The following SLC1A1 variants were observed in gnomAD, a reference collection of about 807,000 sequenced individuals.
SLC1A1 encodes solute carrier family 1 member 1.
Under a neutral mutation model 53.3 loss-of-function variants are expected in SLC1A1, and 43 were observed. The ratio of observed to expected loss-of-function variants is 0.81; its 90% CI spans 0.63 to 1.04. The LOEUF is 1.04. Ranked by LOEUF, SLC1A1 falls within the 50% of genes least tolerant of loss-of-function variation. SLC1A1 has a pLI of 0.00. For synonymous variants in SLC1A1, 307 were observed against 243.2 expected, an observed-to-expected ratio of 1.26 and a Z score of -2.44; for missense variants, 748 against 664.9, an observed-to-expected ratio of 1.12 and a Z score of -1.37.
Position 4,556,256 on chromosome 9 carries a change from G to A in SLC1A1, c.233-5193G>A, listed in dbSNP as rs536210087. On this transcript the variant is annotated intron_variant, in intron 2 of 11. Transcript: ENST00000262352. The surrounding 1 kb of genome is among the most constrained non-coding windows in gnomAD (Gnocchi z 4.1). The stretch of plus-strand genomic sequence containing the variant: ...GCTGGTCTCAAACTCCTGACCTCAG[G>A]TGATCCACCTGCCTGGGCCTCCCAA... Among the ~76,000 whole-genome samples, 4 of 152,152 alleles carry A rather than the reference G, an allele frequency of 2.6e-5. No homozygotes were observed. Among genetic ancestry groups the A allele is most frequent in the Non-Finnish European group, 5.9e-5 (4 of 68,034 alleles).
At position 4,576,135 on chromosome 9, in the gene SLC1A1, A is replaced by C; in HGVS notation, c.998+12A>C. 1 of 1,613,454 alleles carries C rather than the reference A, an allele frequency of 6.2e-7. No individual in the cohort carries two copies. The highest frequency in any genetic ancestry group is 8.5e-7 in the Non-Finnish European group (1 of 1,179,348). ...ATGATCTCTTCCAGGTAAACAGAAG[A>C]GGGGTTTCTGGAAGAAGCCTCCAGG... On this transcript the variant is annotated intron_variant, in intron 9 of 11. Coordinates refer to ENST00000262352, the MANE Select transcript of SLC1A1 (RefSeq NM_004170.6).
chr9:4,530,242 T>C (rs1816416427), intron 1 of SLC1A1, among the ~76,000 whole-genome samples: 1 of 152,142 alleles, frequency 6.6e-6, no homozygotes, highest in African/African-American at 2.4e-5. Context: ...CTCTGATCTC[T>C]CATGGTGGGC....
intron 2 of SLC1A1, among the ~76,000 whole-genome samples, chr9:4,555,309 G>A (rs560577067): frequency 6.6e-6 from 1 of 152,284 alleles, no homozygotes; most frequent in Admixed American, 6.5e-5. Flanking sequence ...CTTCCAATAA[G>A]GGGTTGAATT....
At chr9:4,564,782 C>T (rs1217474614) in intron 4 of SLC1A1, among the ~76,000 whole-genome samples, 1 of 152,118 alleles carries the variant, frequency 6.6e-6, no homozygotes, top group Non-Finnish European at 1.5e-5. Flanking sequence ...TTTAATTGTA[C>T]AGGAGAAACT....
intron 10 of SLC1A1, among the ~76,000 whole-genome samples, chr9:4,581,644 A>T (rs1014589821): frequency 2.0e-5 from 3 of 152,216 alleles, no homozygotes; most frequent in Non-Finnish European, 1.5e-5. Flanking sequence ...TTTTTCAACC[A>T]GCATTAAAAT....
intron 1 of SLC1A1, among the ~76,000 whole-genome samples, chr9:4,493,500 C>G (rs1185750846): frequency 6.6e-6 from 1 of 152,190 alleles, no homozygotes; most frequent in East Asian, 1.9e-4. Flanking sequence ...AGCTCTAATG[C>G]AGCCTCCCTT....
At chr9:4,496,251 G>A (rs544145971) in intron 1 of SLC1A1, among the ~76,000 whole-genome samples, 39 of 152,246 alleles carry the variant, frequency 2.6e-4, no homozygotes, top group African/African-American at 8.4e-4. Context: ...AGGAGTGAGA[G>A]GGTCTGAGGA....
At chr9:4,517,263 C>A (rs78930103) in intron 1 of SLC1A1, among the ~76,000 whole-genome samples, 2,697 of 152,282 alleles carry the variant, frequency 0.018, 39 homozygotes, top group Non-Finnish European at 0.027. Flanking sequence ...ATCTAAAATT[C>A]TTTCTTAATC....
rs1256480241 is a variant in SLC1A1 at position 4,585,537 on chromosome 9, C to T, written c.1554C>T (p.Phe518=). The stretch of plus-strand genomic sequence containing the variant: ...TAGACAAGTCTGACACCATCTCATT[C>T]ACCCAGACCTCACAGTTCTAGGGCC... The part of the protein sequence containing the change: ...FAVDKSDTIS[F]TQTSQF Residue 518 remains phenylalanine (F), a synonymous_variant, in exon 12 of 12, where the codon TTC becomes TTT. Coordinates refer to ENST00000262352, the MANE Select transcript of SLC1A1 (RefSeq NM_004170.6). 1 of 1,614,130 alleles carries T rather than the reference C, an allele frequency of 6.2e-7. No individual in the cohort carries two copies. Among genetic ancestry groups the T allele is most frequent in the East Asian group, 2.2e-5 (1 of 44,906 alleles).
chr9:4,507,032 C>T (rs1351886476), intron 1 of SLC1A1, among the ~76,000 whole-genome samples: 6 of 152,066 alleles, frequency 3.9e-5, no homozygotes, highest in Non-Finnish European at 8.8e-5. Context: ...GAAATGGAGA[C>T]CATCCTGGAT....
chr9:4,493,398 A>T (rs1013340634), intron 1 of SLC1A1, among the ~76,000 whole-genome samples: 1 of 152,232 alleles, frequency 6.6e-6, no homozygotes, highest in African/African-American at 2.4e-5. Flanking sequence ...GACTTATAAC[A>T]GTGGCACTGA....
intron 1 of SLC1A1, among the ~76,000 whole-genome samples, chr9:4,497,853 T>C (rs556391733): frequency 6.6e-6 from 1 of 152,240 alleles, no homozygotes; most frequent in South Asian, 2.1e-4. Context: ...TCTCTGAGTC[T>C]TTGTTTCTTA....
At chr9:4,570,121 T>C (rs888789242) in intron 6 of SLC1A1, among the ~76,000 whole-genome samples, 3 of 152,306 alleles carry the variant, frequency 2.0e-5, no homozygotes, top group Non-Finnish European at 4.4e-5. Context: ...TCCTCAGCCC[T>C]AGCTTTCCCT....
At chr9:4,528,889 C>T (rs1345674659) in intron 1 of SLC1A1, among the ~76,000 whole-genome samples, 2 of 152,048 alleles carry the variant, frequency 1.3e-5, no homozygotes, top group African/African-American at 4.8e-5. Context: ...AAGCATCTTC[C>T]CCTCAGTGTC....
At chr9:4,533,441 C>G (rs916115656) in intron 1 of SLC1A1, among the ~76,000 whole-genome samples, 1 of 151,956 alleles carries the variant, frequency 6.6e-6, no homozygotes, top group African/African-American at 2.4e-5. Flanking sequence ...AGACTTTAAA[C>G]CAACAAAGAT....
chr9:4,514,457 G>C (rs1228993546), intron 1 of SLC1A1, among the ~76,000 whole-genome samples: 1 of 152,208 alleles, frequency 6.6e-6, no homozygotes, highest in East Asian at 1.9e-4. Context: ...AGCCTCCCTG[G>C]TTATCTGGCT....
chr9:4,498,986 TATTA>T (rs1820539514), intron 1 of SLC1A1, among the ~76,000 whole-genome samples: 1 of 136,324 alleles, frequency 7.3e-6, no homozygotes, highest in African/African-American at 3.2e-5. Context: ...TAATCTTATA[TATTA>T]TATATAAGAT....
At chr9:4,508,580 G>A (rs879720058) in intron 1 of SLC1A1, among the ~76,000 whole-genome samples, 2 of 152,190 alleles carry the variant, frequency 1.3e-5, no homozygotes, top group Non-Finnish European at 2.9e-5. Context: ...ATTGTAAAAG[G>A]AGAACATCTC....
At chr9:4,506,149 G>T (rs1010901926) in intron 1 of SLC1A1, among the ~76,000 whole-genome samples, 2 of 151,954 alleles carry the variant, frequency 1.3e-5, no homozygotes, top group African/African-American at 2.4e-5. Context: ...TAGAGACGGG[G>T]TTTCGCCATG....
Sources: allele counts gnomAD v4.1 joint callset (sites outside exome capture counted in the v4.1 genomes callset), GRCh38; gene constraint gnomAD v4.1.1; non-coding constraint Gnocchi (gnomAD v3.1); transcripts MANE v1.5; gene names NCBI Gene and HGNC (gene_info 2026-07-23, HGNC 2026-07-21).